The following SHISA6 variants were observed in gnomAD, a reference collection of about 807,000 sequenced individuals.
SHISA6 encodes the protein shisa family member 6.
SHISA6 carries 22 observed loss-of-function variants against 47.9 expected under a neutral mutation model. That is an observed-to-expected ratio of 0.46 (90% CI 0.33 to 0.66). SHISA6 has a LOEUF of 0.66. Among genes scored for constraint, SHISA6 ranks in the 30% least tolerant of loss-of-function variants. The pLI, the probability that SHISA6 is intolerant of heterozygous loss-of-function variation, is 0.02. For synonymous variants in SHISA6, 388 were observed against 337.8 expected (o/e 1.15, Z -1.63); for missense variants, 680 against 764.6 (o/e 0.89, Z 1.30).
chr17:11,485,808 G>C (rs930079827), intron 3 of SHISA6, among the ~76,000 whole-genome samples: 6 of 151,468 alleles, frequency 4.0e-5, no homozygotes, highest in Non-Finnish European at 5.9e-5. Flanking sequence ...CTGGATTTGT[G>C]TTTTTCATTC....
At chr17:11,250,636 T>C (rs905108235) in intron 1 of SHISA6, among the ~76,000 whole-genome samples, 1 of 152,194 alleles carries the variant, frequency 6.6e-6, no homozygotes, top group Non-Finnish European at 1.5e-5. Context: ...GCTGGGCATT[T>C]GTACTGCCCC....
At chr17:11,386,032 G>C (rs575143392) in intron 3 of SHISA6, among the ~76,000 whole-genome samples, 1 of 152,082 alleles carries the variant, frequency 6.6e-6, no homozygotes, top group Non-Finnish European at 1.5e-5. Flanking sequence ...AATGGATGAC[G>C]TCTGGGATGT....
chr17:11,520,625 G>A (rs1020243876), intron 3 of SHISA6, among the ~76,000 whole-genome samples: 10 of 151,968 alleles, frequency 6.6e-5, no homozygotes, highest in Admixed American at 1.3e-4. Context: ...TCTTTCCTAC[G>A]TCAGGGGCCT....
chr17:11,344,535 A>G (rs1004209870), intron 2 of SHISA6, among the ~76,000 whole-genome samples: 1 of 152,158 alleles, frequency 6.6e-6, no homozygotes, highest in Non-Finnish European at 1.5e-5. Flanking sequence ...CGTTTATGAA[A>G]AAGAGTGTTT....
At chr17:11,522,615 C>T (rs772210837) in intron 3 of SHISA6, among the ~76,000 whole-genome samples, 2 of 152,116 alleles carry the variant, frequency 1.3e-5, no homozygotes, top group African/African-American at 4.8e-5. Flanking sequence ...CCTTTATTCT[C>T]CATGTAGCTA....
intron 5 of SHISA6, among the ~76,000 whole-genome samples, chr17:11,556,443 G>A (rs2071981147): frequency 6.6e-6 from 1 of 152,148 alleles, no homozygotes; most frequent in African/African-American, 2.4e-5. Context: ...GAGACTCTGG[G>A]CATCAATGGG....
chr17:11,561,301 G>C lies in SHISA6; in HGVS notation c.*2997G>C, dbSNP rs1255766250. On this transcript the variant is annotated 3_prime_UTR_variant, in exon 6 of 6. Coordinates refer to ENST00000441885, the MANE Select transcript of SHISA6 (RefSeq NM_207386.4). Reference sequence around the variant, plus strand: ...GTTTTATTCATTTTTGCACATCTCTGTTGCTCTAACAGAAATGAACTGGAA... The same window carrying C: ...GTTTTATTCATTTTTGCACATCTCTCTTGCTCTAACAGAAATGAACTGGAA... The C allele has an allele frequency of 6.6e-6, 1 of 152,180 alleles. No individual in the cohort carries two copies. Among genetic ancestry groups the C allele is most frequent in the Non-Finnish European group, 1.5e-5 (1 of 68,062 alleles). 9.4% of individuals were successfully genotyped at this position (152,180 alleles called of 1,614,324 possible). A position where few individuals can be genotyped will look rare whatever the true frequency, so the allele number is the denominator to read the frequency against.
At chr17:11,526,958 T>C (rs2071692470) in intron 3 of SHISA6, among the ~76,000 whole-genome samples, 1 of 92,048 alleles carries the variant, frequency 1.1e-5, no homozygotes, top group South Asian at 3.7e-4. Context: ...AATCAGGGTA[T>C]TTAGGCTATC....
chr17:11,398,113 GT>G (rs1913635658), intron 3 of SHISA6, among the ~76,000 whole-genome samples: 1 of 152,156 alleles, frequency 6.6e-6, no homozygotes, highest in East Asian at 1.9e-4. Flanking sequence ...TTCATGGTTA[GT>G]TTTGCGTAAT....
At chr17:11,318,502 G>A (rs890293072) in intron 2 of SHISA6, among the ~76,000 whole-genome samples, 7 of 152,056 alleles carry the variant, frequency 4.6e-5, no homozygotes, top group Admixed American at 2.6e-4. Context: ...TTCAATGTGA[G>A]CCTGTCCCCT....
intron 3 of SHISA6, among the ~76,000 whole-genome samples, chr17:11,472,561 C>A (rs1484891261): frequency 6.6e-6 from 1 of 152,152 alleles, no homozygotes; most frequent in African/African-American, 2.4e-5. Context: ...GTTTATTTAT[C>A]CATTCACCTA....
chr17:11,242,232 C>T, intron 1 of SHISA6, among the ~76,000 whole-genome samples, 172 bp downstream of exon 1: 1 of 152,236 alleles, frequency 6.6e-6, no homozygotes, highest in Non-Finnish European at 1.5e-5. Flanking sequence ...GCCCCCTCCT[C>T]CATTTCTTCA....
chr17:11,519,261 T>C (rs1597565168), intron 3 of SHISA6, among the ~76,000 whole-genome samples: 1 of 152,300 alleles, frequency 6.6e-6, no homozygotes, highest in South Asian at 2.1e-4. Flanking sequence ...AGCAGACAAA[T>C]GGACAAATAA....
intron 3 of SHISA6, 107 bp downstream of exon 3, chr17:11,379,616 G>C: frequency 1.4e-6 from 1 of 732,742 alleles, no homozygotes; most frequent in Non-Finnish European, 2.2e-6. Flanking sequence ...ACAGGAATAA[G>C]TGGGGTGGTT....
chr17:11,493,406 T>C, intron 3 of SHISA6, among the ~76,000 whole-genome samples: 1 of 152,086 alleles, frequency 6.6e-6, no homozygotes. Flanking sequence ...TTTGTATTTT[T>C]AGTAGAGACA....
At chr17:11,264,168 T>A (rs935134009) in intron 2 of SHISA6, among the ~76,000 whole-genome samples, 1 of 152,222 alleles carries the variant, frequency 6.6e-6, no homozygotes, top group Non-Finnish European at 1.5e-5. Context: ...ACAAGGTCAC[T>A]GAGATGTTAA....
chr17:11,561,146 T>C lies in SHISA6; in HGVS notation c.*2842T>C, dbSNP rs1171527043. 2.0e-5 allele frequency: 3 copies of C among 152,218 alleles called. No homozygotes were observed. 9.4% of individuals were successfully genotyped at this position (152,218 alleles called of 1,614,324 possible). A position where few individuals can be genotyped will look rare whatever the true frequency, so the allele number is the denominator to read the frequency against. ...AAAAGAGGCTTCTGGGGCTGGAACC[T>C]AGATGCCATGATTTCTAGCCCAACC... is the stretch of plus-strand genomic sequence containing the variant. On this transcript the variant is annotated 3_prime_UTR_variant, in exon 6 of 6. Coordinates refer to ENST00000441885, the MANE Select transcript of SHISA6 (RefSeq NM_207386.4).
chr17:11,333,390 G>T (rs1295357611), intron 2 of SHISA6, among the ~76,000 whole-genome samples: 1 of 152,162 alleles, frequency 6.6e-6, no homozygotes. Flanking sequence ...TTGATTACAG[G>T]CCTGGAACTT....
At chr17:11,344,098 C>A (rs1333684656) in intron 2 of SHISA6, among the ~76,000 whole-genome samples, 1 of 152,132 alleles carries the variant, frequency 6.6e-6, no homozygotes, top group Non-Finnish European at 1.5e-5. Flanking sequence ...CATCTCTTCA[C>A]ATGCTTATTT....
Sources: allele counts gnomAD v4.1 joint callset (sites outside exome capture counted in the v4.1 genomes callset), GRCh38; gene constraint gnomAD v4.1.1; transcripts MANE v1.5; gene names NCBI Gene and HGNC (gene_info 2026-07-23, HGNC 2026-07-21).